The following SDK1 variants were observed in gnomAD, a reference collection of about 807,000 sequenced individuals.
SDK1 encodes the protein sidekick cell adhesion molecule 1.
In SDK1, 157 loss-of-function variants were observed where a neutral mutation model predicts 245.5. The observed-to-expected ratio is 0.64, with a 90% CI of 0.56 to 0.73. The LOEUF is 0.73. SDK1 is among the 30% of genes least tolerant of loss of function. The pLI is 0.00. For missense variants in SDK1, 3,583 were observed against 3,002.3 expected, an observed-to-expected ratio of 1.19 and a Z score of -4.52; for synonymous variants, 1,647 against 1,278.5, an observed-to-expected ratio of 1.29 and a Z score of -6.15.
At chr7:3,888,406 C>T (rs866870224) in intron 5 of SDK1, among the ~76,000 whole-genome samples, 2 of 152,208 alleles carry the variant, frequency 1.3e-5, no homozygotes, top group Non-Finnish European at 2.9e-5. Context: ...AACCGTACCC[C>T]GCCTCTGCAA....
At chr7:4,264,991 T>TGGGG (rs1788363155) in intron 44 of SDK1, 133 bp from the exon 45 acceptor site, 1 of 1,360,898 alleles carries the variant, frequency 7.3e-7, no homozygotes. Flanking sequence ...GGCATTGGGT[T>TGGGG]GGGGTGGGGA....
At chr7:3,308,068 A>G (rs750198253) in intron 1 of SDK1, among the ~76,000 whole-genome samples, 3 of 152,176 alleles carry the variant, frequency 2.0e-5, no homozygotes, top group East Asian at 1.9e-4. Context: ...CGTCTAACAC[A>G]TGATATATTT....
chr7:4,195,571 C>G (rs770366204), intron 35 of SDK1, among the ~76,000 whole-genome samples: 1 of 152,188 alleles, frequency 6.6e-6, no homozygotes, highest in Non-Finnish European at 1.5e-5. Flanking sequence ...CTGCCGGGCG[C>G]ACCCACAAGT....
rs532277672 is a variant in SDK1, at chr7:3,449,713, A to G, written c.298+147829A>G. On this transcript the variant is annotated intron_variant, in intron 1 of 44. Coordinates refer to ENST00000404826, the MANE Select transcript of SDK1 (RefSeq NM_152744.4). ...ATAGTAGCATTTAAACCCAAAAGACACTGAGCGGCAGAGACCTGTGTAACT... is the reference window on the plus strand; with the variant it reads ...ATAGTAGCATTTAAACCCAAAAGACGCTGAGCGGCAGAGACCTGTGTAACT... 3.5e-4 allele frequency among the ~76,000 whole-genome samples: 53 copies of G among 152,334 alleles called. 1 individual carries two copies. The South Asian group carries it at 0.01, about 30-fold the overall frequency.
At chr7:4,110,859 G>C (rs569212352) in intron 23 of SDK1, 87 bp downstream of exon 23, 14 of 860,652 alleles carry the variant, frequency 1.6e-5, no homozygotes, top group South Asian at 1.2e-4. Context: ...AAACCCAGTC[G>C]TACGTATGCA....
At chr7:4,216,717 A>G (rs1784817386) in intron 38 of SDK1, among the ~76,000 whole-genome samples, 1 of 152,116 alleles carries the variant, frequency 6.6e-6, no homozygotes, top group Admixed American at 6.5e-5. Flanking sequence ...ACCTCTTTCC[A>G]CACCTCCTCA....
In SDK1 at chr7:3,974,366, C is replaced by T. The variant is rs757106310; in HGVS notation, c.1818-3C>T. Reference sequence around the variant, plus strand: ...AACTCAAGACCCTTTGCTTGGCCCACAGCTACGTTTGGAAGAAGGACAACG... The same window carrying T: ...AACTCAAGACCCTTTGCTTGGCCCATAGCTACGTTTGGAAGAAGGACAACG... On this transcript the variant is annotated splice_region_variant and splice_polypyrimidine_tract_variant and intron_variant, in intron 12 of 44. Transcript: ENST00000404826. 1 of 1,610,328 alleles carries T rather than the reference C, an allele frequency of 6.2e-7. No individual in the cohort carries two copies. Among genetic ancestry groups the T allele is most frequent in the Admixed American group, 1.7e-5 (1 of 59,928 alleles).
chr7:3,527,992 C>T (rs1783205454), intron 1 of SDK1, among the ~76,000 whole-genome samples: 2 of 114,470 alleles, frequency 1.7e-5, no homozygotes, highest in Admixed American at 9.1e-5. Flanking sequence ...GGCTGGGTGT[C>T]AGTTAGCTAG....
chr7:3,671,607 G>C (rs568285396), intron 4 of SDK1, among the ~76,000 whole-genome samples: 2 of 152,190 alleles, frequency 1.3e-5, no homozygotes, highest in African/African-American at 4.8e-5. Context: ...TGAGTCAATA[G>C]AAAAAAATCC....
chr7:4,183,107 G>A (rs771129661), intron 35 of SDK1, among the ~76,000 whole-genome samples: 5 of 152,132 alleles, frequency 3.3e-5, no homozygotes, highest in South Asian at 2.1e-4. Context: ...CGTGGAAAAC[G>A]GTCCTCATGT....
intron 25 of SDK1, among the ~76,000 whole-genome samples, chr7:4,121,835 A>G (rs964876410): frequency 2.6e-5 from 4 of 152,316 alleles, no homozygotes; most frequent in African/African-American, 9.6e-5. Context: ...AGCTTATGGA[A>G]GGGTATTTTT....
At chr7:4,173,341 T>G (rs977646106) in intron 32 of SDK1, among the ~76,000 whole-genome samples, 11 of 152,154 alleles carry the variant, frequency 7.2e-5, no homozygotes, top group African/African-American at 2.7e-4. Context: ...CAGTCTCAGA[T>G]TTGTCTCCTG....
intron 5 of SDK1, among the ~76,000 whole-genome samples, chr7:3,830,304 T>C (rs1419665260): frequency 2.6e-5 from 4 of 152,194 alleles, no homozygotes; most frequent in African/African-American, 4.8e-5. Context: ...TATTCAGTAG[T>C]GATTTGCCTA....
intron 4 of SDK1, among the ~76,000 whole-genome samples, chr7:3,737,235 G>C (rs1018564047): frequency 6.6e-6 from 1 of 152,214 alleles, no homozygotes; most frequent in Non-Finnish European, 1.5e-5. Flanking sequence ...TCCGCAGTTG[G>C]ACCGGACTGC....
intron 4 of SDK1, among the ~76,000 whole-genome samples, chr7:3,690,851 A>C (rs1053058683): frequency 2.6e-5 from 4 of 152,212 alleles, no homozygotes; most frequent in Non-Finnish European, 4.4e-5. Flanking sequence ...GCGTGTATAT[A>C]AGAACTTTCA....
chr7:4,213,367 G>A (rs536824850), intron 38 of SDK1, among the ~76,000 whole-genome samples: 4 of 151,380 alleles, frequency 2.6e-5, no homozygotes, highest in East Asian at 1.9e-4. Flanking sequence ...AGCCGAGATC[G>A]CGCCACTGCA....
rs1019388419 is a variant in SDK1, at chr7:3,997,767, C to G, written c.2131+10445C>G. 3.3e-5 allele frequency among the ~76,000 whole-genome samples: 5 copies of G among 152,178 alleles called. No individual in the cohort carries two copies. In the South Asian group the frequency reaches 8.3e-4, roughly 25 times the overall value. On this transcript the variant is annotated intron_variant, in intron 14 of 44. Transcript: ENST00000404826. ...GCCAGGGGGACTGGCAGCCCTGCCC[C>G]CAGCCTCCAGGCCCTCACTGGCCTG... is the stretch of plus-strand genomic sequence containing the variant.
rs535595167 is a variant in SDK1, at chr7:3,740,485, ACAGATACAGGT to A, written c.714-80959_714-80949del. Among the ~76,000 whole-genome samples, 98 of 152,258 alleles carry A rather than the reference ACAGATACAGGT, an allele frequency of 6.4e-4. 4 individuals carry two copies. The East Asian group carries it at 0.017, about 27-fold the overall frequency. On this transcript the variant is annotated intron_variant, in intron 4 of 44. Transcript: ENST00000404826. ...TTGCCCTAGGGATAGGGCTTTTTGC[ACAGATACAGGT>A]CAGATTTAGGTCAGATACAGGCAAG...
rs150785046 is a variant in SDK1 at position 3,422,370 on chromosome 7, A to C, written c.298+120486A>C. On this transcript the variant is annotated intron_variant, in intron 1 of 44. Transcript: ENST00000404826. ...CCTCATAGGAAAGAATATGTGGCTT[A>C]TATGCAACCGATTAACTTGAGTCAA... Among the ~76,000 whole-genome samples, 803 of 152,368 alleles carry C rather than the reference A, an allele frequency of 5.3e-3. 2 individuals carry two copies. The highest frequency in any genetic ancestry group is 0.018 in the African/African-American group (751 of 41,584).
Sources: allele counts gnomAD v4.1 joint callset (sites outside exome capture counted in the v4.1 genomes callset), GRCh38; gene constraint gnomAD v4.1.1; transcripts MANE v1.5; gene names NCBI Gene and HGNC (gene_info 2026-07-23, HGNC 2026-07-21).